TEX36: variants seen among roughly 807,000 people sequenced by gnomAD.
The protein encoded by TEX36 is testis-expressed protein 36.
Under a neutral mutation model 13.6 loss-of-function variants are expected in TEX36, and 12 were observed. That is an observed-to-expected ratio of 0.88 (90% confidence interval 0.56 to 1.43). The LOEUF is 1.43. Among genes scored for constraint, TEX36 ranks in the 40% most tolerant of loss-of-function variants. TEX36 has a pLI of 0.00. For synonymous variants in TEX36, 93 were observed against 83.0 expected, an observed-to-expected ratio of 1.12 and a Z score of -0.65; for missense variants, 224 against 228.3, an observed-to-expected ratio of 0.98 and a Z score of 0.12.
intron 3 of TEX36, among the ~76,000 whole-genome samples, chr10:125,625,178 A>C (rs1846472767): frequency 6.6e-6 from 1 of 152,182 alleles, no homozygotes; most frequent in Non-Finnish European, 1.5e-5. Flanking sequence ...CGTGCATCCT[A>C]ATCTCCCACC....
intron 3 of TEX36, among the ~76,000 whole-genome samples, chr10:125,586,020 T>C (rs530360446): frequency 6.6e-6 from 1 of 152,288 alleles, no homozygotes; most frequent in South Asian, 2.1e-4. Flanking sequence ...CCCTGACTTG[T>C]GGTATTTTAT....
chr10:125,610,326 G>A (rs1436932454), intron 3 of TEX36, among the ~76,000 whole-genome samples: 1 of 152,090 alleles, frequency 6.6e-6, no homozygotes, highest in Admixed American at 6.5e-5. Flanking sequence ...ATTCCTTCCT[G>A]CATGAAGCCA....
chr10:125,659,806 G>A (rs1311695644), intron 3 of TEX36, among the ~76,000 whole-genome samples: 8 of 152,192 alleles, frequency 5.3e-5, no homozygotes, highest in Non-Finnish European at 1.2e-4. Flanking sequence ...GTATATGGCA[G>A]ATGCTTTATA....
intron 3 of TEX36, among the ~76,000 whole-genome samples, chr10:125,646,858 G>A (rs957023206): frequency 3.9e-5 from 6 of 152,188 alleles, no homozygotes; most frequent in Middle Eastern, 3.4e-3. Flanking sequence ...ATTTGCACCC[G>A]AAAACAGCCC....
chr10:125,601,404 T>C (rs1445124544), intron 3 of TEX36, among the ~76,000 whole-genome samples: 7 of 152,266 alleles, frequency 4.6e-5, no homozygotes, highest in African/African-American at 1.4e-4. Context: ...TTTAGCCATA[T>C]AGCCCCAAAG....
At chr10:125,638,897 C>T (rs1174555118) in intron 3 of TEX36, among the ~76,000 whole-genome samples, 3 of 152,256 alleles carry the variant, frequency 2.0e-5, no homozygotes, top group African/African-American at 7.2e-5. Flanking sequence ...CATGCTCCTT[C>T]CGTCTGCTGA....
chr10:125,605,805 T>G (rs1458566238), intron 3 of TEX36, among the ~76,000 whole-genome samples: 4 of 152,088 alleles, frequency 2.6e-5, no homozygotes, highest in African/African-American at 9.7e-5. Flanking sequence ...TTTCACCATG[T>G]TGGCCAGGCT....
intron 3 of TEX36, among the ~76,000 whole-genome samples, chr10:125,579,156 C>T (rs765854003): frequency 6.6e-6 from 1 of 152,184 alleles, no homozygotes; most frequent in Non-Finnish European, 1.5e-5. Context: ...AGAAGCTTGC[C>T]GTATTAGTCC....
chr10:125,601,381 T>C (rs1846144100), intron 3 of TEX36, among the ~76,000 whole-genome samples: 1 of 152,254 alleles, frequency 6.6e-6, no homozygotes, highest in South Asian at 2.1e-4. Context: ...AGAGGCCCAT[T>C]CTCTCCCAAC....
intron 3 of TEX36, among the ~76,000 whole-genome samples, chr10:125,642,200 G>T (rs921661196): frequency 2.0e-5 from 3 of 152,206 alleles, no homozygotes; most frequent in African/African-American, 7.2e-5. Flanking sequence ...AAAAGAAAAT[G>T]CACCTGGTGG....
chr10:125,608,269 T>C (rs1459934650), intron 3 of TEX36, among the ~76,000 whole-genome samples: 1 of 122,618 alleles, frequency 8.2e-6, no homozygotes, highest in Non-Finnish European at 1.6e-5. Flanking sequence ...AAATGTCCTA[T>C]AGATTGTGAT....
At chr10:125,682,890 C>T (rs1258385398) in intron 1 of TEX36, 49 bp downstream of exon 1, 1 of 1,546,874 alleles carries the variant, frequency 6.5e-7, no homozygotes, top group Non-Finnish European at 8.8e-7. Context: ...GACTGTTGAC[C>T]ACACCCACGT....
intron 3 of TEX36, among the ~76,000 whole-genome samples, chr10:125,608,854 G>T (rs1379471028): frequency 1.3e-5 from 2 of 151,802 alleles, no homozygotes; most frequent in Admixed American, 6.6e-5. Context: ...AAAAAGGGAG[G>T]CCGGGCGCGG....
intron 3 of TEX36, among the ~76,000 whole-genome samples, chr10:125,633,471 C>G (rs1299208642): frequency 2.0e-5 from 3 of 152,158 alleles, no homozygotes; most frequent in Non-Finnish European, 2.9e-5. Context: ...TTTTTAAAAA[C>G]ATTCCATTGT....
chr10:125,650,921 C>T (rs1846842664), downstream of TEX36, among the ~76,000 whole-genome samples: 2 of 152,192 alleles, frequency 1.3e-5, no homozygotes, highest in South Asian at 4.1e-4. Context: ...CTCCTGGACA[C>T]ATACACCCTC....
intron 3 of TEX36, among the ~76,000 whole-genome samples, chr10:125,586,679 C>A (rs1316322188): frequency 6.7e-6 from 1 of 148,824 alleles, no homozygotes; most frequent in Non-Finnish European, 1.5e-5. Flanking sequence ...TGGTGTCACA[C>A]ACTTGTAGTC....
chr10:125,637,371 C>T (rs551995109), intron 3 of TEX36, among the ~76,000 whole-genome samples: 34 of 151,786 alleles, frequency 2.2e-4, no homozygotes, highest in African/African-American at 7.7e-4. Context: ...TTTCACTTAA[C>T]ATAAGATCTT....
chr10:125,619,889 ATG>A (rs1383860790), downstream of TEX36, among the ~76,000 whole-genome samples: 5 of 151,538 alleles, frequency 3.3e-5, no homozygotes, highest in Non-Finnish European at 7.4e-5. Flanking sequence ...ATATATATAT[ATG>A]TGTGCATATA....
chr10:125,645,925 A>G (rs1330060199), intron 3 of TEX36, among the ~76,000 whole-genome samples: 1 of 152,266 alleles, frequency 6.6e-6, no homozygotes, highest in African/African-American at 2.4e-5. Flanking sequence ...CAGAAATCAT[A>G]CAAATCTTAA....
Sources: gnomAD v4.1 joint callset for allele counts (sites outside exome capture counted in the v4.1 genomes callset) on GRCh38, gnomAD v4.1.1 for gene constraint, MANE v1.5 for transcripts, NCBI Gene and HGNC (gene_info 2026-07-23, HGNC 2026-07-21) for gene names.